MIGA1: variants seen among roughly 807,000 people sequenced by gnomAD.
The protein encoded by MIGA1 is family with sequence similarity 73, member A.
A neutral mutation model predicts 82.0 loss-of-function variants in MIGA1; 58 were observed. The observed-to-expected ratio is 0.71, with a 90% confidence interval of 0.57 to 0.88. The LOEUF is 0.88. Ranked by LOEUF, MIGA1 falls within the 40% of genes least tolerant of loss-of-function variation. MIGA1 has a pLI of 0.00. For missense variants in MIGA1, 751 were observed against 749.1 expected (o/e 1.00, Z -0.03); for synonymous variants, 249 against 253.6 (o/e 0.98, Z 0.17).
chr1:77,856,973 C>A lies in MIGA1; in HGVS notation c.997-1965C>A, dbSNP rs919513633. On this transcript the variant is annotated intron_variant, in intron 8 of 15. Transcript: ENST00000370791. ...TGCTTGAGGTATGACGTTAGATTGT[C>A]TGTTTGTGCTCTTTCAGACTTTTTG... is the stretch of plus-strand genomic sequence containing the variant. 2.0e-5 allele frequency among the ~76,000 whole-genome samples: 3 copies of A among 152,034 alleles called. No individual in the cohort carries two copies. In the South Asian group the frequency reaches 6.2e-4, roughly 32 times the overall value.
rs535055542 is a variant in MIGA1, at chr1:77,854,938, C to T, written c.997-4000C>T. 2.0e-5 allele frequency among the ~76,000 whole-genome samples: 3 copies of T among 152,244 alleles called. No individual in the cohort carries two copies. In the South Asian group the frequency reaches 6.2e-4, roughly 32 times the overall value. On this transcript the variant is annotated intron_variant, in intron 8 of 15. Coordinates refer to ENST00000370791, the MANE Select transcript of MIGA1 (RefSeq NM_198549.4). ...TATTTCTTTGTTTTTATTGCATTTG[C>T]TTTTGGGTTCTTAGTCATGAAATCC...
At chr1:77,833,590 T>G (rs1360549147) in intron 7 of MIGA1, among the ~76,000 whole-genome samples, 1 of 152,172 alleles carries the variant, frequency 6.6e-6, no homozygotes, top group Non-Finnish European at 1.5e-5. Context: ...GGGCCATCCA[T>G]GTAAGCCCCT....
chr1:77,802,448 G>C (rs555677368), intron 3 of MIGA1, among the ~76,000 whole-genome samples: 1 of 152,122 alleles, frequency 6.6e-6, no homozygotes, highest in Non-Finnish European at 1.5e-5. Context: ...TAAGTGCCGG[G>C]ATTTGAATCC....
intron 2 of MIGA1, among the ~76,000 whole-genome samples, chr1:77,793,719 C>T (rs1198695369): frequency 6.6e-6 from 1 of 151,626 alleles, no homozygotes; most frequent in African/African-American, 2.4e-5. Flanking sequence ...CCCACCTCAG[C>T]CTCCCAAAGT....
chr1:77,786,649 T>C (rs1052878900), intron 2 of MIGA1, among the ~76,000 whole-genome samples: 1 of 152,254 alleles, frequency 6.6e-6, no homozygotes, highest in African/African-American at 2.4e-5. Flanking sequence ...TTTGCTAAAA[T>C]ATAGTAAGAG....
At position 77,813,843 on chromosome 1, in the gene MIGA1, T is replaced by C; in HGVS notation, c.747T>C (p.Asp249=). 1 of 1,614,194 alleles carries C rather than the reference T, an allele frequency of 6.2e-7. No homozygotes were observed. Among genetic ancestry groups the C allele is most frequent in the South Asian group, 1.1e-5 (1 of 91,082 alleles). ...GTTCCATTAAACTGGGTGCAGGAGATGCCATTGCTGAAGAAAATGTAGATG... is the reference window on the plus strand; with the variant it reads ...GTTCCATTAAACTGGGTGCAGGAGACGCCATTGCTGAAGAAAATGTAGATG... Residue 249 remains aspartate, a synonymous_variant, in exon 6 of 16, where the codon GAT becomes GAC. Coordinates refer to ENST00000370791, the MANE Select transcript of MIGA1 (RefSeq NM_198549.4).
At position 77,817,451 on chromosome 1, in the gene MIGA1, A is replaced by G. The variant is rs939722087; in HGVS notation, c.895+2220A>G. 4.6e-5 allele frequency among the ~76,000 whole-genome samples: 7 copies of G among 152,150 alleles called. No individual in the cohort carries two copies. The East Asian group carries it at 1.3e-3, about 29-fold the overall frequency. The stretch of plus-strand genomic sequence containing the variant: ...TTGGAATAAGTTCCTGACCCCACTC[A>G]TGTTTTAACCTGTGCTGTCACTGCC... On this transcript the variant is annotated intron_variant, in intron 7 of 15. Transcript: ENST00000370791.
intron 7 of MIGA1, among the ~76,000 whole-genome samples, chr1:77,831,787 A>G (rs1684254887): frequency 6.6e-6 from 1 of 152,200 alleles, no homozygotes; most frequent in Non-Finnish European, 1.5e-5. Flanking sequence ...GCTGGATTTA[A>G]TGCCAGTTTA....
At chr1:77,800,061 A>C (rs1261473917) in intron 2 of MIGA1, among the ~76,000 whole-genome samples, 2 of 152,130 alleles carry the variant, frequency 1.3e-5, no homozygotes, top group Admixed American at 6.6e-5. Flanking sequence ...ATGCATCCAC[A>C]GTTTAAGGCT....
At chr1:77,858,821 T>C (rs765776540) in intron 8 of MIGA1, 117 bp from the exon 9 acceptor site, 45 of 627,916 alleles carry the variant, frequency 7.2e-5, no homozygotes, top group Non-Finnish European at 1.1e-4. Context: ...GGTCTTACCA[T>C]GTTACCCAGG....
rs1303790591 is a variant in MIGA1, at chr1:77,873,093, T to C, written c.1653T>C (p.Ser551=). Reference sequence around the variant, plus strand: ...GGGGCTTTTTGGGTCCTAGAAATTCTCTGTATGATTTATGTTGCTTTTTTA... The same window carrying C: ...GGGGCTTTTTGGGTCCTAGAAATTCCCTGTATGATTTATGTTGCTTTTTTA... Residue 551 remains serine, a synonymous_variant, in exon 15 of 16, where the codon TCT becomes TCC. Transcript: ENST00000370791. The C allele has an allele frequency of 1.2e-6, 2 of 1,613,558 alleles. No individual in the cohort carries two copies. The highest frequency in any genetic ancestry group is 1.7e-6 in the Non-Finnish European group (2 of 1,179,650).
intron 1 of MIGA1, 45 bp from the exon 2 acceptor site, chr1:77,783,193 C>G (rs373822657): frequency 6.4e-5 from 86 of 1,345,506 alleles, no homozygotes; most frequent in Non-Finnish European, 8.6e-5. Flanking sequence ...GTAAAGTAAC[C>G]AGAAATCTTT....
chr1:77,823,673 C>T (rs949679685), intron 7 of MIGA1, among the ~76,000 whole-genome samples: 2 of 152,122 alleles, frequency 1.3e-5, no homozygotes, highest in Non-Finnish European at 2.9e-5. Flanking sequence ...CAAGCAATCC[C>T]CCTGCCTCAG....
rs1450157712 is a variant in MIGA1, at chr1:77,878,134, C to T, written c.*3070C>T. 2.6e-5 allele frequency: 4 copies of T among 152,284 alleles called. No homozygotes were observed. Among genetic ancestry groups the T allele is most frequent in the African/African-American group, 9.7e-5 (4 of 41,420 alleles). 9.4% of individuals were successfully genotyped at this position (152,284 alleles called of 1,614,324 possible). A position where few individuals can be genotyped will look rare whatever the true frequency, so the allele number is the denominator to read the frequency against. On this transcript the variant is annotated 3_prime_UTR_variant, in exon 16 of 16. Transcript: ENST00000370791. The stretch of plus-strand genomic sequence containing the variant: ...ACAGGCCAGGAGCAGTGGCTCACGC[C>T]TGTAATCCCAGCACTTTGGGAGGCC...
chr1:77,813,690 C>T, intron 5 of MIGA1, 44 bp from the exon 6 acceptor site: 3 of 1,593,612 alleles, frequency 1.9e-6, no homozygotes, highest in Non-Finnish European at 2.6e-6. Flanking sequence ...TTTATTTTGG[C>T]ATTGATTTTG....
At chr1:77,826,219 CATA>C (rs1684022644) in intron 7 of MIGA1, among the ~76,000 whole-genome samples, 1 of 151,978 alleles carries the variant, frequency 6.6e-6, no homozygotes, top group Non-Finnish European at 1.5e-5. Context: ...TGATTTTTCT[CATA>C]GTAATATAAA....
rs540761515 is a variant in MIGA1 at position 77,806,824 on chromosome 1, T to C, written c.511-151T>C. On this transcript the variant is annotated intron_variant, in intron 4 of 15. Transcript: ENST00000370791. ...ATAGAGTCGTGATTTCTAAGTTTGA[T>C]TGATTATCATCAGAATTATTTCTTC... is the stretch of plus-strand genomic sequence containing the variant. 43 of 572,110 alleles carry C rather than the reference T, an allele frequency of 7.5e-5. No homozygotes were observed. In the African/African-American group the frequency reaches 7.5e-4, roughly 10 times the overall value. The allele number at this position is 572,110 out of a possible 1,614,324, so 35.4% of individuals were successfully genotyped here.
intron 5 of MIGA1, 116 bp downstream of exon 5, chr1:77,807,217 G>A (rs4949822): frequency 0.69 from 507,961 of 736,456 alleles, 179,074 homozygotes; most frequent in Admixed American, 0.77. Context: ...GCTGGAGTAC[G>A]GTGGCGCGAT....
chr1:77,871,082 G>T lies in MIGA1; in HGVS notation c.1564-1922G>T, dbSNP rs540060525. On this transcript the variant is annotated intron_variant, in intron 14 of 15. Coordinates refer to ENST00000370791, the MANE Select transcript of MIGA1 (RefSeq NM_198549.4). ...GCATCAGAGGGAGACCGTGGAAGGA[G>T]ACCGTGGGAAGGGGGAGAGGGAGAG... Among the ~76,000 whole-genome samples the T allele has an allele frequency of 2.4e-3, 311 of 131,612 alleles. 4 individuals are homozygous for T. The highest frequency in any genetic ancestry group is 1.6e-3 in the East Asian group (7 of 4,258). 86.3% of individuals were successfully genotyped at this position (131,612 alleles called of 152,430 possible). A position where few individuals can be genotyped will look rare whatever the true frequency, so the allele number is the denominator to read the frequency against.
Sources: gnomAD v4.1 joint callset for allele counts (sites outside exome capture counted in the v4.1 genomes callset) on GRCh38, gnomAD v4.1.1 for gene constraint, MANE v1.5 for transcripts, NCBI Gene and HGNC (gene_info 2026-07-23, HGNC 2026-07-21) for gene names.